IMPG2: variants seen among roughly 807,000 people sequenced by gnomAD.
IMPG2 encodes the protein IPM 200.
A neutral mutation model predicts 129.2 loss-of-function variants in IMPG2; 91 were observed. The ratio of observed to expected loss-of-function variants is 0.70; its 90% CI spans 0.59 to 0.84. The LOEUF (loss-of-function observed/expected upper bound fraction) is 0.84, where lower values mean the gene tolerates loss of function less well. Among genes scored for constraint, IMPG2 ranks in the 40% least tolerant of loss-of-function variants. The pLI, the probability that IMPG2 is intolerant of heterozygous loss-of-function variation, is 0.00. For missense variants in IMPG2, 1,430 were observed against 1,461.7 expected (o/e 0.98, Z 0.35); for synonymous variants, 510 against 517.7 (o/e 0.99, Z 0.20).
rs66908707 is a variant in IMPG2 at position 101,226,225 on chromosome 3, T to TTATATATATATATATATATATA, written c.*722_*743dup. The TTATATATATATATATATATATA allele has an allele frequency of 9.7e-6, 1 of 102,880 alleles. No individual in the cohort carries two copies. The highest frequency in any genetic ancestry group is 4.4e-5 in the African/African-American group (1 of 22,888). The allele number at this position is 102,880 out of a possible 1,614,324, so 6.4% of individuals were successfully genotyped here. On this transcript the variant is annotated 3_prime_UTR_variant, in exon 19 of 19. Coordinates refer to ENST00000193391, the MANE Select transcript of IMPG2 (RefSeq NM_016247.4). The stretch of plus-strand genomic sequence containing the variant: ...TAGATTAATGGGAATCTTCTAAACT[T>TTATATATATATATATATATATA]TATATATATATATATATATATATAT...
At chr3:101,233,121 A>G (rs528510542) in intron 14 of IMPG2, 130 bp from the exon 15 acceptor site, 13 of 776,912 alleles carry the variant, frequency 1.7e-5, no homozygotes, top group Non-Finnish European at 2.4e-5. Context: ...AAAGTACACC[A>G]TCGCCACCAA....
At chr3:101,271,871 C>T (rs1466363012) in intron 7 of IMPG2, among the ~76,000 whole-genome samples, 2 of 152,140 alleles carry the variant, frequency 1.3e-5, no homozygotes, top group African/African-American at 4.8e-5. Flanking sequence ...ATTTGGCCTC[C>T]TGAGCCTCAT....
chr3:101,244,834 G>A, intron 12 of IMPG2, 47 bp from the exon 13 acceptor site: 1 of 1,502,526 alleles, frequency 6.7e-7, no homozygotes, highest in Non-Finnish European at 9.2e-7. Context: ...TTGCCAAAAT[G>A]TATTCCTAGT....
chr3:101,299,854 C>G (rs985168376), intron 3 of IMPG2, among the ~76,000 whole-genome samples: 3 of 152,198 alleles, frequency 2.0e-5, no homozygotes, highest in Admixed American at 6.5e-5. Context: ...TGTCTGACAA[C>G]CCCTGTTGGA....
At chr3:101,268,099 A>G (rs1253570096) in intron 8 of IMPG2, among the ~76,000 whole-genome samples, 1 of 152,252 alleles carries the variant, frequency 6.6e-6, no homozygotes, top group Non-Finnish European at 1.5e-5. Flanking sequence ...TAATATAGGT[A>G]TAGAAACTAC....
chr3:101,240,937 T>A (rs1299687043), intron 14 of IMPG2, among the ~76,000 whole-genome samples: 2 of 152,218 alleles, frequency 1.3e-5, no homozygotes, highest in Admixed American at 6.5e-5. Flanking sequence ...AACCTCTGTC[T>A]CTGGTATGTA....
rs539218589 is a variant in IMPG2 at position 101,258,518 on chromosome 3, C to T, written c.909-745G>A. Among the ~76,000 whole-genome samples, 13 of 152,218 alleles carry T rather than the reference C, an allele frequency of 8.5e-5. No homozygotes were observed. In the South Asian group the frequency reaches 1.2e-3, roughly 15 times the overall value. On this transcript the variant is annotated intron_variant, in intron 9 of 18. Transcript: ENST00000193391. ...TGTATGTAACTTAGTAATCTGTTCC[C>T]AATTAACTATGTGAATTTCTCTTTT...
chr3:101,299,074 T>C (rs957199324), intron 3 of IMPG2, among the ~76,000 whole-genome samples: 15 of 152,362 alleles, frequency 9.8e-5, no homozygotes, highest in Admixed American at 9.8e-4. Context: ...TAGTCCCATA[T>C]TTCTCAGAGG....
intron 4 of IMPG2, among the ~76,000 whole-genome samples, chr3:101,280,956 A>C (rs9861669): frequency 0.04 from 6,029 of 151,978 alleles, 423 homozygotes; most frequent in African/African-American, 0.14. Context: ...CAAAAAAAAA[A>C]AATTATATAT....
intron 10 of IMPG2, among the ~76,000 whole-genome samples, chr3:101,256,145 A>AAAAAGAAAGAAAG (rs1553682272): frequency 1.3e-5 from 1 of 77,572 alleles, no homozygotes; most frequent in African/African-American, 5.2e-5. Context: ...AGAAAGAAAG[A>AAAAAGAAAGAAAG]AAAGAAAGAA....
chr3:101,306,507 T>C (rs1707190869), intron 2 of IMPG2, among the ~76,000 whole-genome samples: 1 of 152,328 alleles, frequency 6.6e-6, no homozygotes, highest in East Asian at 1.9e-4. Context: ...TTGTAGATCA[T>C]TGTTTTTCAT....
chr3:101,284,198 G>A lies in IMPG2; in HGVS notation c.533+7281C>T, dbSNP rs140565642. The stretch of plus-strand genomic sequence containing the variant: ...GAAATGCAGAGTTAATTGGGTTGGG[G>A]GCATGGGAGAACCAGGAGTTCAGTT... On this transcript the variant is annotated intron_variant, in intron 4 of 18. Coordinates refer to ENST00000193391, the MANE Select transcript of IMPG2 (RefSeq NM_016247.4). 3.2e-3 allele frequency among the ~76,000 whole-genome samples: 493 copies of A among 152,274 alleles called. 1 individual carries two copies. The highest frequency in any genetic ancestry group is 5.0e-3 in the Non-Finnish European group (338 of 68,004).
chr3:101,268,438 G>C (rs1385962730), intron 8 of IMPG2, among the ~76,000 whole-genome samples: 2 of 152,136 alleles, frequency 1.3e-5, no homozygotes, highest in Non-Finnish European at 2.9e-5. Flanking sequence ...TATGAGACTA[G>C]GTAAGTAGGA....
At chr3:101,284,303 A>T (rs1288358264) in intron 4 of IMPG2, among the ~76,000 whole-genome samples, 3 of 152,208 alleles carry the variant, frequency 2.0e-5, no homozygotes, top group African/African-American at 7.2e-5. Context: ...CCATCTTCTC[A>T]GTTTATAGAT....
chr3:101,256,216 AG>A (rs1441062316), intron 10 of IMPG2, among the ~76,000 whole-genome samples: 9 of 146,132 alleles, frequency 6.2e-5, no homozygotes, highest in South Asian at 4.2e-4. Flanking sequence ...AAAGAAAGAA[AG>A]AAAAAAATAT....
chr3:101,304,771 T>C (rs912220021), intron 2 of IMPG2, among the ~76,000 whole-genome samples: 1 of 151,972 alleles, frequency 6.6e-6, no homozygotes, highest in Admixed American at 6.6e-5. Flanking sequence ...CTGACGTTTA[T>C]AAATGGCCTG....
rs1316207672 is a variant in IMPG2 at position 101,246,598 on chromosome 3, CA to C, written c.1240-494del. 5.3e-5 allele frequency among the ~76,000 whole-genome samples: 8 copies of C among 152,220 alleles called. No homozygotes were observed. In the East Asian group the frequency reaches 1.5e-3, roughly 29 times the overall value. On this transcript the variant is annotated intron_variant, in intron 11 of 18. Transcript: ENST00000193391. ...AGTTTGGTCAGAAATGTCACCACAT[CA>C]AAATGTAGTCTGGTTACCTCAAATG...
chr3:101,320,540 T>C lies in IMPG2; in HGVS notation c.-168A>G. ...CATTATAAATTAGCGGAAAGAAAAA[T>C]GGTTGTCCTTTCAAAGTAGCTCTCA... On this transcript the variant is annotated 5_prime_UTR_variant, in exon 1 of 19. Transcript: ENST00000193391. The C allele has an allele frequency of 3.3e-6, 2 of 612,490 alleles. No individual in the cohort carries two copies. The highest frequency in any genetic ancestry group is 5.9e-6 in the Non-Finnish European group (2 of 338,366). The allele number at this position is 612,490 out of a possible 1,614,324, so 37.9% of individuals were successfully genotyped here.
At chr3:101,294,360 G>T (rs1208031040) in intron 3 of IMPG2, among the ~76,000 whole-genome samples, 2 of 151,892 alleles carry the variant, frequency 1.3e-5, no homozygotes, top group Non-Finnish European at 2.9e-5. Flanking sequence ...TTCTGTTCCT[G>T]GGTTAGTATG....
Sources: allele counts gnomAD v4.1 joint callset (sites outside exome capture counted in the v4.1 genomes callset), GRCh38; gene constraint gnomAD v4.1.1; transcripts MANE v1.5; gene names NCBI Gene and HGNC (gene_info 2026-07-23, HGNC 2026-07-21).